SUGCT: variants seen among roughly 807,000 people sequenced by gnomAD.
SUGCT encodes the protein succinyl-CoA:glutarate CoA-transferase.
Under a neutral mutation model 55.0 loss-of-function variants are expected in SUGCT, and 41 were observed. The ratio of observed to expected loss-of-function variants is 0.74; its 90% CI spans 0.58 to 0.97. SUGCT has a LOEUF of 0.97. SUGCT is among the 50% of genes least tolerant of loss of function. SUGCT has a pLI of 0.00. For synonymous variants in SUGCT, 187 were observed against 200.4 expected (o/e 0.93, Z 0.56); for missense variants, 568 against 547.8 (o/e 1.04, Z -0.37).
intron 7 of SUGCT, among the ~76,000 whole-genome samples, chr7:40,260,213 T>C (rs1052320591): frequency 1.3e-5 from 2 of 152,218 alleles, no homozygotes; most frequent in Non-Finnish European, 2.9e-5. Flanking sequence ...TTTTTCCCTC[T>C]GTGCTTCTGT....
In SUGCT at chr7:40,749,479, G is replaced by A. The variant is rs548195728; in HGVS notation, c.1135G>A (p.Gly379Arg). 4.3e-6 allele frequency: 7 copies of A among 1,613,582 alleles called. No homozygotes were observed. The highest frequency in any genetic ancestry group is 1.6e-4 in the Middle Eastern group (1 of 6,080). Reference sequence around the variant, plus strand: ...TATGGAGATGGAGCATCCAACTGTGGGGAAGATTTCCGTCCCAGGTCTGAA... The same window carrying A: ...TATGGAGATGGAGCATCCAACTGTGAGGAAGATTTCCGTCCCAGGTCTGAA... Reference protein sequence around the residue: ...LVMEMEHPTVGKISVPGPAVR... With the variant: ...LVMEMEHPTVRKISVPGPAVR... The change falls in exon 13 of 14, where the codon GGG becomes AGG. Residue 379 changes from glycine (G) to arginine (R), a missense_variant. Physicochemically the swap from Gly to Arg is moderately radical, Grantham distance 125. Coordinates refer to ENST00000335693, the MANE Select transcript of SUGCT (RefSeq NM_001193313.2).
chr7:40,839,635 G>T (rs1793174615), intron 13 of SUGCT, among the ~76,000 whole-genome samples: 1 of 152,068 alleles, frequency 6.6e-6, no homozygotes, highest in Non-Finnish European at 1.5e-5. Flanking sequence ...TTGAGTTTTG[G>T]TAGTCAGTGG....
chr7:40,601,377 G>A (rs552988830), intron 12 of SUGCT, among the ~76,000 whole-genome samples: 6 of 152,272 alleles, frequency 3.9e-5, no homozygotes, highest in East Asian at 3.9e-4. Flanking sequence ...GACTGTAACC[G>A]TCAAGAACAC....
chr7:40,510,045 G>A (rs763256416), intron 12 of SUGCT, among the ~76,000 whole-genome samples: 11 of 152,004 alleles, frequency 7.2e-5, no homozygotes, highest in Non-Finnish European at 1.2e-4. Context: ...TATTTTGTAA[G>A]TACTTATTCA....
chr7:40,911,567 CAAAA>C, the SUGCT span, among the ~76,000 whole-genome samples: 5 of 124,956 alleles, frequency 4.0e-5, no homozygotes, highest in Non-Finnish European at 3.4e-5. Flanking sequence ...GACCCTGTCT[CAAAA>C]AAAAAAAAAA....
At chr7:40,225,979 A>G (rs1788323052) in intron 6 of SUGCT, among the ~76,000 whole-genome samples, 1 of 152,230 alleles carries the variant, frequency 6.6e-6, no homozygotes, top group Non-Finnish European at 1.5e-5. Flanking sequence ...CACAGTCCCT[A>G]GAACACAGAA....
intron 12 of SUGCT, among the ~76,000 whole-genome samples, chr7:40,649,769 TC>T (rs1450522264): frequency 2.0e-5 from 3 of 152,216 alleles, no homozygotes; most frequent in African/African-American, 7.2e-5. Context: ...TCAAAAATTG[TC>T]CATATGGTAG....
intron 6 of SUGCT, among the ~76,000 whole-genome samples, chr7:40,220,923 A>C (rs1220708264): frequency 6.6e-6 from 1 of 152,152 alleles, no homozygotes; most frequent in Non-Finnish European, 1.5e-5. Context: ...AATTGGTATG[A>C]AGCCACATTT....
intron 9 of SUGCT, among the ~76,000 whole-genome samples, chr7:40,389,605 T>C (rs544036417): frequency 1.3e-5 from 2 of 152,338 alleles, no homozygotes; most frequent in Admixed American, 1.3e-4. Context: ...CTAAGCACTT[T>C]ATCTCATTGT....
At chr7:40,705,759 T>G (rs2128666273) in intron 12 of SUGCT, among the ~76,000 whole-genome samples, 1 of 152,310 alleles carries the variant, frequency 6.6e-6, no homozygotes, top group African/African-American at 2.4e-5. Context: ...GCCTTTTTCC[T>G]TGACATTTAT....
intron 6 of SUGCT, among the ~76,000 whole-genome samples, chr7:40,203,166 C>T (rs1463397633): frequency 6.6e-6 from 1 of 152,184 alleles, no homozygotes; most frequent in African/African-American, 2.4e-5. Context: ...CATACAATAA[C>T]AACTCTTTCC....
chr7:40,935,247 T>G, the SUGCT span, among the ~76,000 whole-genome samples: 1 of 152,256 alleles, frequency 6.6e-6, no homozygotes, highest in South Asian at 2.1e-4. Flanking sequence ...TTAAAATTGA[T>G]ATTTTATTAA....
At position 40,237,701 on chromosome 7, in the gene SUGCT, G is replaced by T. The variant is rs1789107131; in HGVS notation, c.551G>T (p.Gly184Val). 1 of 1,613,838 alleles carries T rather than the reference G, an allele frequency of 6.2e-7. No homozygotes were observed. Among genetic ancestry groups the T allele is most frequent in the African/African-American group, 1.3e-5 (1 of 75,004 alleles). Residue 184 changes from glycine to valine, a missense_variant, in exon 7 of 14, where the codon GGT becomes GTT. By Grantham distance (109) the Gly-to-Val change is moderately radical (BLOSUM62 -3). Coordinates refer to ENST00000335693, the MANE Select transcript of SUGCT (RefSeq NM_001193313.2). ...GYDAVASAVS[G>V]LMHITGPENG... ...GATGCTGTTGCCTCGGCTGTTTCTG[G>T]TCTGATGCACATCACAGGGCCTGAG... is the stretch of plus-strand genomic sequence containing the variant.
At chr7:40,476,804 C>CT (rs59726430) in intron 11 of SUGCT, among the ~76,000 whole-genome samples, 15,829 of 144,230 alleles carry the variant, frequency 0.11, 1,106 homozygotes, top group Middle Eastern at 0.18. Context: ...AGTTCTCATT[C>CT]TTTTTTTTTT....
At chr7:40,887,394 A>G in the SUGCT span, among the ~76,000 whole-genome samples, 13 of 152,196 alleles carry the variant, frequency 8.5e-5, no homozygotes, top group Admixed American at 8.5e-4. Flanking sequence ...GATGACCTTC[A>G]TTGCTACAAG....
At chr7:40,293,238 C>G (rs530654197) in intron 8 of SUGCT, among the ~76,000 whole-genome samples, 1 of 152,234 alleles carries the variant, frequency 6.6e-6, no homozygotes, top group Non-Finnish European at 1.5e-5. Context: ...GTTGTTGCTA[C>G]TGTTAAAAGT....
chr7:40,970,090 C>T, the SUGCT span, among the ~76,000 whole-genome samples: 21 of 152,250 alleles, frequency 1.4e-4, no homozygotes, highest in Non-Finnish European at 2.4e-4. Flanking sequence ...GAAAGTCCAT[C>T]GCGAGGAGGC....
the SUGCT span, among the ~76,000 whole-genome samples, chr7:40,994,712 G>A: frequency 1.3e-5 from 2 of 152,122 alleles, no homozygotes; most frequent in Non-Finnish European, 2.9e-5. Context: ...AGGGTTGGAG[G>A]TGGGGCCTGG....
At chr7:40,719,862 C>T (rs1786227512) in intron 12 of SUGCT, among the ~76,000 whole-genome samples, 1 of 152,146 alleles carries the variant, frequency 6.6e-6, no homozygotes, top group Non-Finnish European at 1.5e-5. Context: ...GTGGCACGAT[C>T]TCGGTTCACT....
Sources: allele counts gnomAD v4.1 joint callset (sites outside exome capture counted in the v4.1 genomes callset), GRCh38; gene constraint gnomAD v4.1.1; transcripts MANE v1.5; gene names NCBI Gene and HGNC (gene_info 2026-07-23, HGNC 2026-07-21).